The following WWOX variants were observed in gnomAD, a reference collection of about 807,000 sequenced individuals.
WWOX encodes the protein WW domain containing oxidoreductase, also known as WW domain-containing oxidoreductase.
Under a neutral mutation model 46.2 loss-of-function variants are expected in WWOX, and 69 were observed. The observed-to-expected ratio is 1.49, with a 90% CI of 1.23 to 1.82. The LOEUF is 1.82. Ranked by LOEUF, WWOX falls within the 40% of genes most tolerant of loss-of-function variation. The probability of loss-of-function intolerance (pLI) is 0.00; values close to 1 mark genes in which losing one functional copy is unlikely to be tolerated. For synonymous variants in WWOX, 359 were observed against 202.6 expected, an observed-to-expected ratio of 1.77 and a Z score of -6.56; for missense variants, 919 against 542.6, an observed-to-expected ratio of 1.69 and a Z score of -6.89.
intron 8 of WWOX, among the ~76,000 whole-genome samples, chr16:78,945,044 G>C (rs967219196): frequency 5.3e-5 from 8 of 152,122 alleles, no homozygotes; most frequent in African/African-American, 1.7e-4. Context: ...GCTGGGCATG[G>C]TGGCGTACAC....
chr16:78,453,832 A>AT (rs10718327), intron 8 of WWOX, among the ~76,000 whole-genome samples: 37 of 151,458 alleles, frequency 2.4e-4, no homozygotes, highest in East Asian at 3.9e-4. Context: ...TACCAAAACC[A>AT]TTTTTTTTTA....
intron 8 of WWOX, among the ~76,000 whole-genome samples, chr16:78,798,614 T>C (rs2050805957): frequency 6.7e-6 from 1 of 150,152 alleles, no homozygotes; most frequent in Admixed American, 6.6e-5. Flanking sequence ...TTTTAAGAGA[T>C]TTACAGTGAT....
intron 8 of WWOX, among the ~76,000 whole-genome samples, chr16:78,714,479 C>T (rs114149580): frequency 0.013 from 1,929 of 151,872 alleles, 45 homozygotes; most frequent in African/African-American, 0.044. Context: ...TCCCATGATA[C>T]GTGGGGATGA....
chr16:79,125,219 T>C (rs150157261), intron 8 of WWOX, among the ~76,000 whole-genome samples: 34 of 152,328 alleles, frequency 2.2e-4, no homozygotes, highest in African/African-American at 6.7e-4. Context: ...ATTACAGCTG[T>C]AGTCTGCCAG....
In WWOX at chr16:78,802,017, A is replaced by G. The variant is rs530961232; in HGVS notation, c.1056+369265A>G. Reference sequence around the variant, plus strand: ...GATGTGTGGAAAGGGCCTATCCCAGAGGCTGGTGTACCATGGTGGCTTCTC... The same window carrying G: ...GATGTGTGGAAAGGGCCTATCCCAGGGGCTGGTGTACCATGGTGGCTTCTC... On this transcript the variant is annotated intron_variant, in intron 8 of 8. Transcript: ENST00000566780. Among the ~76,000 whole-genome samples, 284 of 152,220 alleles carry G rather than the reference A, an allele frequency of 1.9e-3. 3 individuals carry two copies. Among genetic ancestry groups the G allele is most frequent in the Non-Finnish European group, 2.9e-3 (200 of 68,006 alleles).
intron 8 of WWOX, among the ~76,000 whole-genome samples, chr16:78,768,445 C>G (rs1453261298): frequency 1.3e-5 from 2 of 151,938 alleles, no homozygotes; most frequent in Admixed American, 1.3e-4. Context: ...CAACAATTAG[C>G]CAGGTGTGGT....
rs542481575 is a variant in WWOX, at chr16:78,968,226, T to C, written c.1057-243382T>C. ...TGGCACAGCACATGGACATGATTCATACATGCAAGTGAATGAGTGAATGGG... is the reference window on the plus strand; with the variant it reads ...TGGCACAGCACATGGACATGATTCACACATGCAAGTGAATGAGTGAATGGG... On this transcript the variant is annotated intron_variant, in intron 8 of 8. Coordinates refer to ENST00000566780, the MANE Select transcript of WWOX (RefSeq NM_016373.4). 2.6e-5 allele frequency among the ~76,000 whole-genome samples: 4 copies of C among 152,264 alleles called. No individual in the cohort carries two copies. The East Asian group carries it at 7.7e-4, about 29-fold the overall frequency.
chr16:78,941,943 G>C (rs2045859891), intron 8 of WWOX, among the ~76,000 whole-genome samples: 1 of 152,040 alleles, frequency 6.6e-6, no homozygotes, highest in African/African-American at 2.4e-5. Context: ...TGTAAACATT[G>C]TGCTGTATTC....
At chr16:78,621,319 A>G (rs1017430161) in intron 8 of WWOX, among the ~76,000 whole-genome samples, 1 of 152,018 alleles carries the variant, frequency 6.6e-6, no homozygotes, top group Non-Finnish European at 1.5e-5. Flanking sequence ...GCCCCCTTCT[A>G]ACCCCCTACT....
At chr16:78,388,461 C>T (rs1434825094) in intron 6 of WWOX, among the ~76,000 whole-genome samples, 4 of 151,474 alleles carry the variant, frequency 2.6e-5, no homozygotes, top group African/African-American at 9.7e-5. Context: ...TCCTGGCCAA[C>T]ATTGTGAAAC....
chr16:78,617,608 G>A (rs540715427), intron 8 of WWOX, among the ~76,000 whole-genome samples: 1 of 152,226 alleles, frequency 6.6e-6, no homozygotes, highest in South Asian at 2.1e-4. Context: ...GATGATCCCT[G>A]AGGTGTATCC....
chr16:78,868,877 C>T (rs1011935586), intron 8 of WWOX, among the ~76,000 whole-genome samples: 1 of 152,116 alleles, frequency 6.6e-6, no homozygotes, highest in Non-Finnish European at 1.5e-5. Context: ...TTTAATATGT[C>T]TTTGCATCCC....
chr16:78,196,746 C>A (rs1351153798), intron 5 of WWOX, among the ~76,000 whole-genome samples: 1 of 152,118 alleles, frequency 6.6e-6, no homozygotes, highest in African/African-American at 2.4e-5. Context: ...ATTATTGGCC[C>A]TATTTTGCTT....
At chr16:78,960,981 C>T (rs1597209436) in intron 8 of WWOX, among the ~76,000 whole-genome samples, 1 of 152,170 alleles carries the variant, frequency 6.6e-6, no homozygotes, top group Admixed American at 6.5e-5. Flanking sequence ...ATAATGTATT[C>T]TCCATGGAGT....
chr16:78,933,333 G>A (rs1183876201), intron 8 of WWOX, among the ~76,000 whole-genome samples: 4 of 152,210 alleles, frequency 2.6e-5, no homozygotes, highest in African/African-American at 9.6e-5. Flanking sequence ...CAGCTACTCA[G>A]GAGGCTGAGG....
chr16:78,691,326 T>C (rs757213885), intron 8 of WWOX: 1 of 700,408 alleles, frequency 1.4e-6, no homozygotes. Flanking sequence ...TTTACAATTA[T>C]TTCATTTTCA....
intron 8 of WWOX, among the ~76,000 whole-genome samples, chr16:79,162,079 C>T (rs377761069): frequency 1.3e-5 from 2 of 152,216 alleles, no homozygotes; most frequent in Non-Finnish European, 2.9e-5. Flanking sequence ...GAATTGGTCA[C>T]TGGCTACCCC....
chr16:78,910,747 G>C (rs546417593), intron 8 of WWOX, among the ~76,000 whole-genome samples: 1 of 151,786 alleles, frequency 6.6e-6, no homozygotes, highest in Non-Finnish European at 1.5e-5. Flanking sequence ...ATCAGATCTC[G>C]TGGGACTTAC....
At chr16:78,624,644 C>G (rs1002917722) in intron 8 of WWOX, among the ~76,000 whole-genome samples, 1 of 152,152 alleles carries the variant, frequency 6.6e-6, no homozygotes, top group Non-Finnish European at 1.5e-5. Flanking sequence ...AGCTGAGATG[C>G]TGAGAAGGGG....
Sources: allele counts gnomAD v4.1 joint callset (sites outside exome capture counted in the v4.1 genomes callset), GRCh38; gene constraint gnomAD v4.1.1; transcripts MANE v1.5; gene names NCBI Gene and HGNC (gene_info 2026-07-23, HGNC 2026-07-21).